The following ENPEP variants were observed in gnomAD, a reference collection of about 807,000 sequenced individuals.
The protein encoded by ENPEP is AP-A.
Under a neutral mutation model 114.5 loss-of-function variants are expected in ENPEP, and 103 were observed. That is an observed-to-expected ratio of 0.90 (90% CI 0.77 to 1.06). ENPEP has a LOEUF of 1.06. Among genes scored for constraint, ENPEP ranks in the 50% least tolerant of loss-of-function variants. The probability of loss-of-function intolerance (pLI) is 0.00; values close to 1 mark genes in which losing one functional copy is unlikely to be tolerated. For synonymous variants in ENPEP, 420 were observed against 422.0 expected (o/e 1.00, Z 0.06); for missense variants, 1,196 against 1,161.3 (o/e 1.03, Z -0.43).
rs1242648043 is a variant in ENPEP, at chr4:110,564,272, A to G, written c.*2714A>G. ...AAAGTTGTATTTGGCACCAGCCAGT[A>G]TTTGAACCCAGGCAGTTTATCACTC... On this transcript the variant is annotated 3_prime_UTR_variant, in exon 20 of 20. Coordinates refer to ENST00000265162, the MANE Select transcript of ENPEP (RefSeq NM_001977.4). 1.3e-5 allele frequency: 2 copies of G among 152,216 alleles called. No individual in the cohort carries two copies. The highest frequency in any genetic ancestry group is 2.4e-5 in the African/African-American group (1 of 41,462). The allele number at this position is 152,216 out of a possible 1,614,324, so 9.4% of individuals were successfully genotyped here. A position where few individuals can be genotyped will look rare whatever the true frequency, so the allele number is the denominator to read the frequency against.
chr4:110,507,486 T>A (rs1401710457), intron 4 of ENPEP, among the ~76,000 whole-genome samples: 4 of 152,236 alleles, frequency 2.6e-5, no homozygotes, highest in African/African-American at 9.6e-5. Flanking sequence ...TTGGCCTCCC[T>A]GTATCTGTTT....
intron 9 of ENPEP, 40 bp downstream of exon 9, chr4:110,520,113 A>T: frequency 6.2e-7 from 1 of 1,604,450 alleles, no homozygotes; most frequent in East Asian, 2.2e-5. Context: ...TCTTTGTCTG[A>T]TTTACAAATG....
chr4:110,477,697 TC>T (rs1724164545), intron 1 of ENPEP, among the ~76,000 whole-genome samples: 1 of 152,148 alleles, frequency 6.6e-6, no homozygotes, highest in African/African-American at 2.4e-5. Flanking sequence ...AGTCCACACA[TC>T]AGTGGCATAG....
At chr4:110,533,627 G>A (rs1726493325) in intron 11 of ENPEP, among the ~76,000 whole-genome samples, 1 of 152,134 alleles carries the variant, frequency 6.6e-6, no homozygotes, top group African/African-American at 2.4e-5. Flanking sequence ...TAAGGATAGA[G>A]TATAAATGGG....
intron 3 of ENPEP, among the ~76,000 whole-genome samples, chr4:110,493,143 T>TA (rs1724791312): frequency 6.6e-6 from 1 of 152,144 alleles, no homozygotes; most frequent in Non-Finnish European, 1.5e-5. Flanking sequence ...ACCAAGGACA[T>TA]TTACTTGTAA....
chr4:110,485,935 T>C (rs1177199167), intron 1 of ENPEP, among the ~76,000 whole-genome samples: 1 of 152,184 alleles, frequency 6.6e-6, no homozygotes, highest in Non-Finnish European at 1.5e-5. Flanking sequence ...CTTCCTTTGA[T>C]AGCTTGCTTA....
At position 110,494,910 on chromosome 4, in the gene ENPEP, T is replaced by C. The variant is rs115549806; in HGVS notation, c.918+3746T>C. Among the ~76,000 whole-genome samples, 949 of 152,320 alleles carry C rather than the reference T, an allele frequency of 6.2e-3. 6 individuals are homozygous for C. Among genetic ancestry groups the C allele is most frequent in the African/African-American group, 0.022 (910 of 41,556 alleles). ...TGAGGTCTTCTTCAGGTTTAGTTGA[T>C]TGATTAGGGTTTTAAAGTAAATGAA... is the stretch of plus-strand genomic sequence containing the variant. On this transcript the variant is annotated intron_variant, in intron 3 of 19. Coordinates refer to ENST00000265162, the MANE Select transcript of ENPEP (RefSeq NM_001977.4).
At chr4:110,509,958 C>G (rs1725514565) in intron 5 of ENPEP, 151 bp downstream of exon 5, 1 of 1,162,198 alleles carries the variant, frequency 8.6e-7, no homozygotes, top group Non-Finnish European at 1.2e-6. Context: ...AAACATTTAG[C>G]CATAAAGAGA....
At chr4:110,560,709 T>C (rs376732728) in intron 19 of ENPEP, among the ~76,000 whole-genome samples, 106 of 152,276 alleles carry the variant, frequency 7.0e-4, no homozygotes, top group Middle Eastern at 3.4e-3. Context: ...TCAGAATTCA[T>C]AGTTTTGCAA....
At chr4:110,531,138 C>A in intron 10 of ENPEP, 60 bp from the exon 11 acceptor site, 1 of 1,060,908 alleles carries the variant, frequency 9.4e-7, no homozygotes, top group Non-Finnish European at 1.3e-6. Flanking sequence ...GTGATTTTTA[C>A]TCTTGAAATT....
chr4:110,522,425 T>C (rs1726032148), intron 10 of ENPEP, among the ~76,000 whole-genome samples: 1 of 152,044 alleles, frequency 6.6e-6, no homozygotes, highest in African/African-American at 2.4e-5. Flanking sequence ...TCATGATCCA[T>C]GCACATTGGC....
intron 17 of ENPEP, among the ~76,000 whole-genome samples, chr4:110,553,004 A>G (rs1727344989): frequency 6.6e-6 from 1 of 152,162 alleles, no homozygotes; most frequent in Non-Finnish European, 1.5e-5. Context: ...GGTTAAAATT[A>G]ACATTTTAAT....
chr4:110,518,264 T>C (rs1725856030), intron 8 of ENPEP, among the ~76,000 whole-genome samples: 1 of 152,332 alleles, frequency 6.6e-6, no homozygotes, highest in Non-Finnish European at 1.5e-5. Flanking sequence ...GGTCATGAAA[T>C]AGAAACCGAG....
At chr4:110,515,239 C>A in intron 7 of ENPEP, 138 bp from the exon 8 acceptor site, 2 of 680,336 alleles carry the variant, frequency 2.9e-6, no homozygotes, top group Non-Finnish European at 5.0e-6. Context: ...ATCATAGAGC[C>A]ATATAATTTA....
intron 18 of ENPEP, among the ~76,000 whole-genome samples, chr4:110,556,334 T>A (rs1661338966): frequency 6.6e-6 from 1 of 152,098 alleles, no homozygotes; most frequent in African/African-American, 2.4e-5. Flanking sequence ...CATGGCTGTT[T>A]ACTTAATTTA....
chr4:110,489,947 A>G (rs1005779780), intron 2 of ENPEP, among the ~76,000 whole-genome samples: 1 of 152,122 alleles, frequency 6.6e-6, no homozygotes, highest in African/African-American at 2.4e-5. Flanking sequence ...ATTAAAATAT[A>G]CTCTTAGCAG....
intron 10 of ENPEP, among the ~76,000 whole-genome samples, chr4:110,520,952 A>T (rs1423149046): frequency 6.6e-6 from 1 of 152,168 alleles, no homozygotes; most frequent in Non-Finnish European, 1.5e-5. Context: ...CTCCAGGAAA[A>T]AATACAGTGG....
At chr4:110,508,801 A>G (rs186207465) in intron 4 of ENPEP, among the ~76,000 whole-genome samples, 2 of 152,264 alleles carry the variant, frequency 1.3e-5, no homozygotes, top group Admixed American at 6.5e-5. Context: ...ACAGAGCGAG[A>G]CTCTGTCTCA....
At chr4:110,517,406 A>G (rs967120115) in intron 8 of ENPEP, among the ~76,000 whole-genome samples, 1 of 152,238 alleles carries the variant, frequency 6.6e-6, no homozygotes, top group East Asian at 1.9e-4. Context: ...AAGAAGATTC[A>G]TTTTCAAAAA....
Sources: allele counts gnomAD v4.1 joint callset (sites outside exome capture counted in the v4.1 genomes callset), GRCh38; gene constraint gnomAD v4.1.1; transcripts MANE v1.5; gene names NCBI Gene and HGNC (gene_info 2026-07-23, HGNC 2026-07-21).